The following SVEP1 variants were observed in gnomAD, a reference collection of about 807,000 sequenced individuals.
The protein encoded by SVEP1 is sushi, von Willebrand factor type A, EGF and pentraxin domain containing 1.
Under a neutral mutation model 367.3 loss-of-function variants are expected in SVEP1, and 164 were observed. The ratio of observed to expected loss-of-function variants is 0.45; its 90% CI spans 0.39 to 0.51. SVEP1 has a LOEUF of 0.51. SVEP1 is among the 20% of genes least tolerant of loss of function. The probability of loss-of-function intolerance (pLI) is 0.00; values close to 1 mark genes in which losing one functional copy is unlikely to be tolerated. For synonymous variants in SVEP1, 1,666 were observed against 1,611.6 expected, an observed-to-expected ratio of 1.03 and a Z score of -0.81; for missense variants, 4,117 against 4,425.3, an observed-to-expected ratio of 0.93 and a Z score of 1.98.
intron 1 of SVEP1, among the ~76,000 whole-genome samples, chr9:110,555,636 A>G (rs1319785992): frequency 6.6e-6 from 1 of 152,196 alleles, no homozygotes; most frequent in Non-Finnish European, 1.5e-5. Context: ...CTCTTTTTAC[A>G]GAGAACTGGT....
intron 1 of SVEP1, among the ~76,000 whole-genome samples, chr9:110,577,123 T>C (rs1012970485): frequency 3.3e-5 from 5 of 152,072 alleles, no homozygotes; most frequent in Non-Finnish European, 7.4e-5. Context: ...CCTTACTGAC[T>C]TCATTGGTAA....
intron 3 of SVEP1, among the ~76,000 whole-genome samples, chr9:110,522,313 A>G (rs1829885853): frequency 6.6e-6 from 1 of 151,944 alleles, no homozygotes; most frequent in Non-Finnish European, 1.5e-5. Context: ...TGGGGATAAC[A>G]TTAAAAAAAT....
At chr9:110,440,803 C>T (rs546977600) in intron 27 of SVEP1, among the ~76,000 whole-genome samples, 3 of 152,288 alleles carry the variant, frequency 2.0e-5, no homozygotes, top group African/African-American at 4.8e-5. Flanking sequence ...CCCTGAGGTC[C>T]CCTCTTCCAT....
chr9:110,377,862 T>C (rs1188666458), intron 44 of SVEP1, among the ~76,000 whole-genome samples: 3 of 152,140 alleles, frequency 2.0e-5, no homozygotes, highest in East Asian at 3.9e-4. Flanking sequence ...TTGAGCAACA[T>C]CTCCCTATCC....
intron 8 of SVEP1, among the ~76,000 whole-genome samples, chr9:110,494,503 G>A (rs1459971752): frequency 3.3e-5 from 5 of 152,076 alleles, no homozygotes; most frequent in Non-Finnish European, 7.4e-5. Flanking sequence ...ATTTTCTATT[G>A]GTGCCTTTCC....
chr9:110,550,710 G>A (rs780228412), intron 1 of SVEP1, among the ~76,000 whole-genome samples: 3 of 152,008 alleles, frequency 2.0e-5, no homozygotes, highest in South Asian at 2.1e-4. Flanking sequence ...TGGACCACCC[G>A]GTACTAGCAT....
At chr9:110,570,355 G>GTGGTATACAATTTTCCC (rs1830540603) in intron 1 of SVEP1, among the ~76,000 whole-genome samples, 1 of 152,002 alleles carries the variant, frequency 6.6e-6, no homozygotes, top group Admixed American at 6.6e-5. Flanking sequence ...ATTTTATTTT[G>GTGGTATACAATTTTCCC]TGGTATACAA....
chr9:110,499,385 T>C, intron 6 of SVEP1, 147 bp from the exon 7 acceptor site: 1 of 693,538 alleles, frequency 1.4e-6, no homozygotes, highest in Non-Finnish European at 2.3e-6. Context: ...ATTGAATGTA[T>C]AATATATTGT....
intron 23 of SVEP1, 36 bp downstream of exon 23, chr9:110,451,253 T>G (rs746641053): frequency 1.9e-6 from 3 of 1,556,096 alleles, no homozygotes. Context: ...GTTTACAAGA[T>G]TTTAAGACAA....
At chr9:110,535,460 AC>A (rs1830067686) in intron 3 of SVEP1, among the ~76,000 whole-genome samples, 1 of 151,984 alleles carries the variant, frequency 6.6e-6, no homozygotes, top group Non-Finnish European at 1.5e-5. Context: ...TGATGCGTCC[AC>A]CTTTTTTCTT....
chr9:110,399,764 G>C (rs1588034215), intron 40 of SVEP1, among the ~76,000 whole-genome samples: 1 of 152,058 alleles, frequency 6.6e-6, no homozygotes, highest in Non-Finnish European at 1.5e-5. Flanking sequence ...GAACTCCTGA[G>C]CTCAAGTGAT....
intron 30 of SVEP1, among the ~76,000 whole-genome samples, chr9:110,433,877 G>GT (rs1828391219): frequency 6.6e-6 from 1 of 151,576 alleles, no homozygotes; most frequent in Non-Finnish European, 1.5e-5. Context: ...TTATTTTTCT[G>GT]TCTCTCCTAT....
chr9:110,368,830 AT>A (rs1273171147), intron 47 of SVEP1, among the ~76,000 whole-genome samples: 39 of 152,248 alleles, frequency 2.6e-4, no homozygotes, highest in African/African-American at 9.1e-4. Flanking sequence ...TTTTGCAGAG[AT>A]GGCATATACT....
intron 3 of SVEP1, among the ~76,000 whole-genome samples, chr9:110,531,556 C>G (rs142184344): frequency 6.6e-5 from 10 of 152,268 alleles, no homozygotes; most frequent in Non-Finnish European, 1.2e-4. Flanking sequence ...TGTTTACTTC[C>G]CCTTCTGCCA....
chr9:110,516,821 A>G (rs1829810196), intron 3 of SVEP1, among the ~76,000 whole-genome samples: 1 of 152,222 alleles, frequency 6.6e-6, no homozygotes, highest in Non-Finnish European at 1.5e-5. Context: ...CAAAGATATG[A>G]GAAGTAATGG....
At position 110,407,718 on chromosome 9, in the gene SVEP1, T is replaced by C; in HGVS notation, c.7882A>G (p.Lys2628Glu). Residue 2628 changes from lysine to glutamate, a missense_variant, in exon 38 of 48, where the codon AAA (lysine) becomes GAA (glutamate). Lys to Glu is a moderately conservative substitution (Grantham distance 56). Coordinates refer to ENST00000374469, the MANE Select transcript of SVEP1 (RefSeq NM_153366.4). ...HIDFGDCTKL[K>E]DDQGYFEQED... is the part of the protein sequence containing the mutation. ...TGCTCAAAATATCCCTGGTCATCTT[T>C]GAGTTTAGTACAGTCTCCAAAATCT... is the stretch of plus-strand genomic sequence containing the variant. 1 of 1,613,998 alleles carries C rather than the reference T, an allele frequency of 6.2e-7. No homozygotes were observed. Among genetic ancestry groups the C allele is most frequent in the Non-Finnish European group, 8.5e-7 (1 of 1,179,880 alleles).
At chr9:110,510,903 G>T (rs1829700814) in intron 5 of SVEP1, among the ~76,000 whole-genome samples, 1 of 152,150 alleles carries the variant, frequency 6.6e-6, no homozygotes, top group South Asian at 2.1e-4. Context: ...ACCACTTGAG[G>T]CTGCATGACT....
intron 18 of SVEP1, among the ~76,000 whole-genome samples, chr9:110,462,624 G>A (rs1261900883): frequency 2.6e-5 from 4 of 151,112 alleles, no homozygotes; most frequent in Non-Finnish European, 5.9e-5. Flanking sequence ...GAAAAGAGGG[G>A]TGAATGTTTC....
At chr9:110,503,970 C>T (rs2118756763) in intron 5 of SVEP1, among the ~76,000 whole-genome samples, 1 of 152,218 alleles carries the variant, frequency 6.6e-6, no homozygotes, top group South Asian at 2.1e-4. Context: ...CTAATGAGAG[C>T]CCATAATATA....
Sources: allele counts gnomAD v4.1 joint callset (sites outside exome capture counted in the v4.1 genomes callset), GRCh38; gene constraint gnomAD v4.1.1; transcripts MANE v1.5; gene names NCBI Gene and HGNC (gene_info 2026-07-23, HGNC 2026-07-21).